The following PSD3 variants were observed in gnomAD, a reference collection of about 807,000 sequenced individuals.
PSD3 encodes the protein pleckstrin and Sec7 domain containing 3.
A neutral mutation model predicts 105.5 loss-of-function variants in PSD3; 49 were observed. The observed-to-expected ratio is 0.46, with a 90% CI of 0.37 to 0.59. The LOEUF (loss-of-function observed/expected upper bound fraction) is 0.59. Among genes scored for constraint, PSD3 ranks in the 20% least tolerant of loss-of-function variants. The pLI, the probability that PSD3 is intolerant of heterozygous loss-of-function variation, is 0.00. For synonymous variants in PSD3, 557 were observed against 457.8 expected (o/e 1.22, Z -2.77); for missense variants, 1,561 against 1,263.8 (o/e 1.24, Z -3.57).
At chr8:18,901,519 C>T (rs1455478718) in intron 2 of PSD3, among the ~76,000 whole-genome samples, 2 of 151,970 alleles carry the variant, frequency 1.3e-5, no homozygotes, top group Admixed American at 6.6e-5. Context: ...TTCCTCCTTT[C>T]GTTCCTTTCT....
At chr8:18,734,515 G>A (rs1804003181) in intron 9 of PSD3, 2 of 152,098 alleles carry the variant, frequency 1.3e-5, no homozygotes, top group African/African-American at 4.8e-5. Context: ...ATGATCTTGG[G>A]TAAGTCTTTT....
At chr8:18,661,259 C>A (rs757258914) in intron 9 of PSD3, among the ~76,000 whole-genome samples, 7 of 152,148 alleles carry the variant, frequency 4.6e-5, no homozygotes, top group Non-Finnish European at 7.3e-5. Flanking sequence ...ACAGTGACCG[C>A]AGTGGAATTT....
At chr8:19,055,029 T>G (rs1311162366) in intron 1 of PSD3, among the ~76,000 whole-genome samples, 1 of 152,156 alleles carries the variant, frequency 6.6e-6, no homozygotes, top group Non-Finnish European at 1.5e-5. Flanking sequence ...TGAGATGCAT[T>G]TGTCACTTCT....
At chr8:18,658,527 T>TC (rs1210287433) in intron 9 of PSD3, among the ~76,000 whole-genome samples, 1 of 144,562 alleles carries the variant, frequency 6.9e-6, no homozygotes, top group Non-Finnish European at 1.5e-5. Flanking sequence ...TATAATTCTT[T>TC]TTTTTTTTTT....
chr8:18,551,630 G>A (rs1390878058), intron 15 of PSD3, among the ~76,000 whole-genome samples: 1 of 152,122 alleles, frequency 6.6e-6, no homozygotes, highest in East Asian at 1.9e-4. Context: ...GGCTCTAACT[G>A]CCTTAAGCCA....
intron 2 of PSD3, among the ~76,000 whole-genome samples, chr8:18,931,737 A>C (rs1821763009): frequency 6.6e-6 from 1 of 152,238 alleles, no homozygotes; most frequent in East Asian, 1.9e-4. Context: ...GTTAGTCATC[A>C]GGTACCTTCT....
intron 2 of PSD3, among the ~76,000 whole-genome samples, chr8:18,890,147 G>A (rs933871094): frequency 3.3e-5 from 5 of 151,922 alleles, no homozygotes; most frequent in East Asian, 1.9e-4. Context: ...CGGGATCCAC[G>A]TAGGAGACAA....
intron 9 of PSD3, among the ~76,000 whole-genome samples, chr8:18,718,203 T>C (rs1305633587): frequency 6.6e-6 from 1 of 152,240 alleles, no homozygotes; most frequent in Non-Finnish European, 1.5e-5. Context: ...GGTTACCTTG[T>C]ATGTAATAGT....
chr8:19,025,749 ATAATT>A (rs1379056219), intron 1 of PSD3, among the ~76,000 whole-genome samples: 1 of 152,220 alleles, frequency 6.6e-6, no homozygotes, highest in African/African-American at 2.4e-5. Flanking sequence ...AGATCATGTC[ATAATT>A]TCAGGATTCC....
At chr8:18,672,180 A>G (rs1458551460) in intron 9 of PSD3, among the ~76,000 whole-genome samples, 1 of 152,202 alleles carries the variant, frequency 6.6e-6, no homozygotes, top group Non-Finnish European at 1.5e-5. Flanking sequence ...ATAGGAAAAC[A>G]TAAATTTAAA....
At chr8:18,801,515 C>G (rs1586048593) in intron 6 of PSD3, 133 bp from the exon 7 acceptor site, 1 of 554,154 alleles carries the variant, frequency 1.8e-6, no homozygotes. Context: ...TTATCTCCCC[C>G]CAAAAAAATC....
At position 18,583,510 on chromosome 8, in the gene PSD3, C is replaced by G. The variant is rs559305690; in HGVS notation, c.2482-8225G>C. 7.5e-4 allele frequency among the ~76,000 whole-genome samples: 114 copies of G among 152,288 alleles called. 1 individual carries two copies. Among genetic ancestry groups the G allele is most frequent in the African/African-American group, 2.7e-3 (111 of 41,556 alleles). ...CAACTGCTCTAAGATAAAGTCTCAA[C>G]TCTTTAACATGGTTCTCTAGGCTCT... On this transcript the variant is annotated intron_variant, in intron 12 of 15. Coordinates refer to ENST00000327040, the MANE Select transcript of PSD3 (RefSeq NM_015310.4).
At chr8:18,727,177 A>C (rs1475563448) in intron 9 of PSD3, among the ~76,000 whole-genome samples, 1 of 151,984 alleles carries the variant, frequency 6.6e-6, no homozygotes, top group Non-Finnish European at 1.5e-5. Context: ...CTCTACTAAA[A>C]ATACAAAAAA....
chr8:18,882,448 A>C (rs1485197780), intron 2 of PSD3, among the ~76,000 whole-genome samples: 1 of 152,124 alleles, frequency 6.6e-6, no homozygotes, highest in Non-Finnish European at 1.5e-5. Flanking sequence ...AGCAGAGAAA[A>C]GGGCAACAAA....
At chr8:18,738,376 T>C (rs977887801) in intron 9 of PSD3, among the ~76,000 whole-genome samples, 5 of 152,146 alleles carry the variant, frequency 3.3e-5, no homozygotes, top group African/African-American at 1.2e-4. Context: ...TTCATCAAGA[T>C]CATCTCAAGG....
intron 1 of PSD3, among the ~76,000 whole-genome samples, chr8:19,013,339 C>T (rs1399281436): frequency 2.6e-5 from 4 of 151,942 alleles, no homozygotes; most frequent in African/African-American, 9.7e-5. Flanking sequence ...TGAACTAAAA[C>T]CCCTAAACCT....
At chr8:18,862,365 C>A (rs1437854387) in intron 4 of PSD3, among the ~76,000 whole-genome samples, 2 of 108,418 alleles carry the variant, frequency 1.8e-5, no homozygotes, top group Admixed American at 1.1e-4. Flanking sequence ...TGAGCAGGAA[C>A]TCCTTTGTGG....
intron 1 of PSD3, among the ~76,000 whole-genome samples, chr8:18,938,102 G>T (rs375710308): frequency 6.6e-6 from 1 of 152,250 alleles, no homozygotes; most frequent in Non-Finnish European, 1.5e-5. Context: ...CGTTTTATGG[G>T]ATACAGTGAT....
chr8:18,658,330 C>T (rs13274103), intron 9 of PSD3, among the ~76,000 whole-genome samples: 51,391 of 151,890 alleles, frequency 0.34, 8,915 homozygotes, highest in South Asian at 0.48. Flanking sequence ...ACACAACTTC[C>T]CATCTTTTTA....
Sources: allele counts gnomAD v4.1 joint callset (sites outside exome capture counted in the v4.1 genomes callset), GRCh38; gene constraint gnomAD v4.1.1; transcripts MANE v1.5; gene names NCBI Gene and HGNC (gene_info 2026-07-23, HGNC 2026-07-21).